SLC39A8: variants seen among roughly 807,000 people sequenced by gnomAD.
SLC39A8 encodes solute carrier family 39 member 8, also known as metal cation symporter ZIP8.
A neutral mutation model predicts 40.4 loss-of-function variants in SLC39A8; 15 were observed. That is an observed-to-expected ratio of 0.37 (90% CI 0.25 to 0.57). SLC39A8 has a LOEUF of 0.57. Ranked by LOEUF, SLC39A8 falls within the 20% of genes least tolerant of loss-of-function variation. The pLI is 0.75. For missense variants in SLC39A8, 472 were observed against 558.8 expected (o/e 0.84, Z 1.57); for synonymous variants, 223 against 221.6 (o/e 1.01, Z -0.06).
At chr4:102,307,330 C>T (rs1213418405) in intron 4 of SLC39A8, 106 bp downstream of exon 4, 1 of 1,332,548 alleles carries the variant, frequency 7.5e-7, no homozygotes, top group East Asian at 2.3e-5. Context: ...ACACTATAAA[C>T]TAGACCATAA....
chr4:102,272,229 C>T (rs1487410237), intron 6 of SLC39A8, among the ~76,000 whole-genome samples: 2 of 151,788 alleles, frequency 1.3e-5, no homozygotes, highest in East Asian at 1.9e-4. Flanking sequence ...GTCAGGAGAT[C>T]GAGACCATCC....
At chr4:102,341,140 G>A (rs572730720) in intron 2 of SLC39A8, among the ~76,000 whole-genome samples, 1 of 152,166 alleles carries the variant, frequency 6.6e-6, no homozygotes, top group East Asian at 1.9e-4. Flanking sequence ...ACTGAAAAAG[G>A]TTAAAAACAG....
intron 2 of SLC39A8, among the ~76,000 whole-genome samples, chr4:102,336,678 A>G (rs937475581): frequency 3.3e-5 from 5 of 152,210 alleles, no homozygotes; most frequent in Admixed American, 3.3e-4. Context: ...CAGGCCAGGA[A>G]AAACAACAGA....
At chr4:102,319,112 G>C (rs978076640) in intron 2 of SLC39A8, among the ~76,000 whole-genome samples, 4 of 152,208 alleles carry the variant, frequency 2.6e-5, no homozygotes, top group African/African-American at 9.6e-5. Flanking sequence ...AGACCGCAAA[G>C]TATGCTCAAA....
At chr4:102,289,955 G>A (rs2149023406) in intron 6 of SLC39A8, among the ~76,000 whole-genome samples, 1 of 152,270 alleles carries the variant, frequency 6.6e-6, no homozygotes, top group South Asian at 2.1e-4. Context: ...TCAGAGGATG[G>A]CATCCAATGT....
At chr4:102,268,159 C>A in intron 6 of SLC39A8, 80 bp from the exon 7 acceptor site, 2 of 1,453,112 alleles carry the variant, frequency 1.4e-6, no homozygotes, top group Non-Finnish European at 1.9e-6. Flanking sequence ...ATGGGTTGTG[C>A]TTGAGAAAAA....
chr4:102,259,115 G>C (rs149255616), downstream of SLC39A8, among the ~76,000 whole-genome samples: 59 of 152,326 alleles, frequency 3.9e-4, no homozygotes, highest in African/African-American at 1.3e-3. Context: ...TGCTAATGGA[G>C]CTTGCCACAA....
chr4:102,311,328 A>T (rs180768684), intron 3 of SLC39A8, among the ~76,000 whole-genome samples: 1 of 152,266 alleles, frequency 6.6e-6, no homozygotes, highest in Admixed American at 6.5e-5. Context: ...GTTGATTACA[A>T]TTATGTTTAA....
intron 2 of SLC39A8, among the ~76,000 whole-genome samples, chr4:102,321,181 T>C (rs926324768): frequency 6.6e-6 from 1 of 151,924 alleles, no homozygotes; most frequent in Admixed American, 6.6e-5. Context: ...AATTATAAAT[T>C]CACAAAAAAC....
chr4:102,305,196 C>A, intron 4 of SLC39A8, 85 bp from the exon 5 acceptor site: 2 of 1,369,626 alleles, frequency 1.5e-6, no homozygotes, highest in East Asian at 2.4e-5. Context: ...CAATTCTCAC[C>A]AATGTTCTAA....
intron 2 of SLC39A8, among the ~76,000 whole-genome samples, chr4:102,320,167 AC>A (rs1664765659): frequency 1.4e-5 from 1 of 71,010 alleles, no homozygotes; most frequent in Non-Finnish European, 2.9e-5. Context: ...ATATATATAT[AC>A]ATATATATAT....
At chr4:102,301,590 C>T (rs1412283046) in intron 6 of SLC39A8, among the ~76,000 whole-genome samples, 2 of 152,006 alleles carry the variant, frequency 1.3e-5, no homozygotes, top group African/African-American at 4.8e-5. Flanking sequence ...GGACAATGAA[C>T]AGGAACTCAA....
rs759268548 is a variant in SLC39A8 at position 102,304,448 on chromosome 4, C to A, written c.709G>T (p.Gly237Cys). 3 of 1,610,900 alleles carry A rather than the reference C, an allele frequency of 1.9e-6. No homozygotes were observed. The highest frequency in any genetic ancestry group is 1.3e-5 in the African/African-American group (1 of 74,696). ...GGTTGATGAGTTTTTTCTTGAGGAC[C>A]AAAGTTATCATTTCCAAAGTGGGTA... is the stretch of plus-strand genomic sequence containing the variant. ...GHTHFGNDNF[G>C]PQEKTHQPKA... Residue 237 changes from glycine (G) to cysteine (C), a missense_variant, in exon 6 of 9, where the codon GGT (glycine) becomes TGT (cysteine). Transcript: ENST00000356736.
At chr4:102,259,833 T>A (rs1731799633), downstream of SLC39A8, among the ~76,000 whole-genome samples, 1 of 152,208 alleles carries the variant, frequency 6.6e-6, no homozygotes, top group Non-Finnish European at 1.5e-5. Flanking sequence ...AAATTTACTT[T>A]TGCCAGTATG....
rs377053837 is a variant in SLC39A8, at chr4:102,321,523, T to A, written c.220-5693A>T. 7.2e-5 allele frequency among the ~76,000 whole-genome samples: 11 copies of A among 152,296 alleles called. No homozygotes were observed. In the East Asian group the frequency reaches 2.1e-3, roughly 29 times the overall value. The stretch of plus-strand genomic sequence containing the variant: ...CCGCTAGCTTTGCTGAGAGGTCGTT[T>A]TTTTCTTTTTTCCTTTTCGCCCAAT... On this transcript the variant is annotated intron_variant, in intron 2 of 8. Transcript: ENST00000356736.
rs1578575828 is a variant in SLC39A8, at chr4:102,286,082, A to G, written c.841-18003T>C. On this transcript the variant is annotated intron_variant, in intron 6 of 8. Coordinates refer to ENST00000356736, the MANE Select transcript of SLC39A8 (RefSeq NM_001135146.2). The stretch of plus-strand genomic sequence containing the variant: ...GGTCTATTTTAGTCATCCAACAATT[A>G]TGAAATGGACATCCTTTATAAGGCA... Among the ~76,000 whole-genome samples, 3 of 152,276 alleles carry G rather than the reference A, an allele frequency of 2.0e-5. No individual in the cohort carries two copies. In the South Asian group the frequency reaches 6.2e-4, roughly 32 times the overall value.
At chr4:102,300,537 AT>A (rs1464353122) in intron 6 of SLC39A8, among the ~76,000 whole-genome samples, 1 of 152,040 alleles carries the variant, frequency 6.6e-6, no homozygotes, top group Non-Finnish European at 1.5e-5. Context: ...TTATGCTTTT[AT>A]AATCTAGATT....
chr4:102,298,055 G>GT (rs934215819), intron 6 of SLC39A8, among the ~76,000 whole-genome samples: 117 of 152,030 alleles, frequency 7.7e-4, no homozygotes, highest in Non-Finnish European at 1.4e-3. Context: ...ACCCAGAGTA[G>GT]TTTTTTTAAG....
chr4:102,257,952 G>C (rs1003473923), downstream of SLC39A8, among the ~76,000 whole-genome samples: 2 of 152,214 alleles, frequency 1.3e-5, no homozygotes, highest in Admixed American at 1.3e-4. Context: ...GCTGCTGCAA[G>C]AGGTCAGCAG....
Sources: allele counts gnomAD v4.1 joint callset (sites outside exome capture counted in the v4.1 genomes callset), GRCh38; gene constraint gnomAD v4.1.1; transcripts MANE v1.5; gene names NCBI Gene and HGNC (gene_info 2026-07-23, HGNC 2026-07-21).